Variants in MYOF observed in about 807,000 individuals in gnomAD.
MYOF encodes the protein fer-1-like 3, myoferlin.
MYOF carries 244 observed loss-of-function variants against 284.2 expected under a neutral mutation model. The ratio of observed to expected loss-of-function variants is 0.86; its 90% CI spans 0.77 to 0.95. The LOEUF (loss-of-function observed/expected upper bound fraction) is 0.95, where lower values mean the gene tolerates loss of function less well. Ranked by LOEUF, MYOF falls within the 40% of genes least tolerant of loss-of-function variation. The probability of loss-of-function intolerance (pLI) is 0.00; values close to 1 mark genes in which losing one functional copy is unlikely to be tolerated. For missense variants in MYOF, 2,496 were observed against 2,560.6 expected, an observed-to-expected ratio of 0.97 and a Z score of 0.54; for synonymous variants, 904 against 919.7, an observed-to-expected ratio of 0.98 and a Z score of 0.31.
intron 3 of MYOF, among the ~76,000 whole-genome samples, chr10:93,439,767 G>A (rs1171693872): frequency 5.3e-5 from 8 of 152,174 alleles, no homozygotes; most frequent in Admixed American, 1.3e-4. Context: ...AAAAAGAGAT[G>A]TATAAAAAGC....
At chr10:93,427,866 C>G (rs1407988161) in intron 4 of MYOF, among the ~76,000 whole-genome samples, 2 of 152,034 alleles carry the variant, frequency 1.3e-5, no homozygotes, top group African/African-American at 2.4e-5. Context: ...TTGCTGTATA[C>G]AGTACTTTTT....
In MYOF at chr10:93,323,163, G is replaced by C; in HGVS notation, c.5371C>G (p.Arg1791Gly). Residue 1791 changes from arginine (R) to glycine (G), a missense_variant, in exon 48 of 54, where the codon CGT becomes GGT. Physicochemically the swap from Arg to Gly is moderately radical, Grantham distance 125. Transcript: ENST00000359263. ...TCCTTGGTGTTCCAGATGATCACACGCAGGTAGTATCTGCAAGAAGCACAG... is the reference window on the plus strand; with the variant it reads ...TCCTTGGTGTTCCAGATGATCACACCCAGGTAGTATCTGCAAGAAGCACAG... The part of the protein sequence containing the change: ...TPRKAKKYYL[R>G]VIIWNTKDVI... The C allele has an allele frequency of 6.2e-7, 1 of 1,614,062 alleles. No homozygotes were observed. The highest frequency in any genetic ancestry group is 8.5e-7 in the Non-Finnish European group (1 of 1,179,918).
At chr10:93,307,131 T>C in intron 53 of MYOF, 130 bp from the exon 54 acceptor site, 2 of 796,344 alleles carry the variant, frequency 2.5e-6, no homozygotes, top group South Asian at 1.8e-5. Flanking sequence ...GAGTGTCCTG[T>C]GCATTGTAGG....
chr10:93,307,667 C>G (rs930778949), intron 53 of MYOF, among the ~76,000 whole-genome samples: 4 of 145,024 alleles, frequency 2.8e-5, no homozygotes, highest in Admixed American at 2.0e-4. Context: ...ACTTGTCACC[C>G]AGGGTGGAGT....
intron 2 of MYOF, among the ~76,000 whole-genome samples, chr10:93,455,363 C>T (rs760282781): frequency 7.9e-5 from 12 of 151,840 alleles, no homozygotes; most frequent in Non-Finnish European, 1.6e-4. Flanking sequence ...TTTTTTGTTT[C>T]ACTTCATTCA....
At chr10:93,391,940 A>AG (rs1265548218) in intron 17 of MYOF, among the ~76,000 whole-genome samples, 1 of 152,164 alleles carries the variant, frequency 6.6e-6, no homozygotes, top group Non-Finnish European at 1.5e-5. Flanking sequence ...ATCACTTTTC[A>AG]GGGGGAGTGG....
intron 12 of MYOF, among the ~76,000 whole-genome samples, chr10:93,401,154 G>T (rs1234507451): frequency 6.6e-6 from 1 of 152,128 alleles, no homozygotes; most frequent in Non-Finnish European, 1.5e-5. Context: ...AGAATAAAGA[G>T]AAGATATAGA....
intron 7 of MYOF, among the ~76,000 whole-genome samples, chr10:93,404,984 C>T (rs946974442): frequency 2.6e-5 from 4 of 152,140 alleles, no homozygotes; most frequent in African/African-American, 9.6e-5. Flanking sequence ...TGAACACTTA[C>T]TCCAACTGAG....
intron 53 of MYOF, among the ~76,000 whole-genome samples, chr10:93,308,857 A>T (rs1842253170): frequency 1.3e-5 from 2 of 151,938 alleles, no homozygotes; most frequent in African/African-American, 4.8e-5. Context: ...GATTACAGGC[A>T]TGTGCCACCA....
At chr10:93,369,110 C>CTCTT (rs1491460008) in intron 25 of MYOF, among the ~76,000 whole-genome samples, 1 of 78,308 alleles carries the variant, frequency 1.3e-5, no homozygotes, top group African/African-American at 6.5e-5. Context: ...ATTCAGACAG[C>CTCTT]TTTTTTTTTT....
chr10:93,334,671 G>A (rs1488703377), intron 41 of MYOF, among the ~76,000 whole-genome samples: 1 of 152,138 alleles, frequency 6.6e-6, no homozygotes, highest in African/African-American at 2.4e-5. Context: ...AAAACCAGGA[G>A]AAAGCACTGA....
intron 43 of MYOF, among the ~76,000 whole-genome samples, chr10:93,331,501 C>G (rs1843298431): frequency 6.6e-6 from 1 of 152,176 alleles, no homozygotes; most frequent in Non-Finnish European, 1.5e-5. Flanking sequence ...GACAGGGTTG[C>G]CTTTCTCCCT....
At chr10:93,352,984 G>A (rs1844593454) in intron 32 of MYOF, among the ~76,000 whole-genome samples, 1 of 152,164 alleles carries the variant, frequency 6.6e-6, no homozygotes, top group South Asian at 2.1e-4. Flanking sequence ...AAATTGATGT[G>A]AGCACATGAG....
At chr10:93,477,848 AAAAT>A (rs941464686) in intron 1 of MYOF, among the ~76,000 whole-genome samples, 9 of 152,314 alleles carry the variant, frequency 5.9e-5, no homozygotes, top group East Asian at 1.9e-4. Context: ...CTCCATCTAA[AAAAT>A]AAATAAATAA....
At chr10:93,337,199 T>G (rs1419250786) in intron 40 of MYOF, among the ~76,000 whole-genome samples, 1 of 151,742 alleles carries the variant, frequency 6.6e-6, no homozygotes, top group Non-Finnish European at 1.5e-5. Flanking sequence ...ATTCTAAAGT[T>G]TTTTTTTCTC....
chr10:93,366,714 C>G (rs1845341672), intron 25 of MYOF, among the ~76,000 whole-genome samples, 159 bp from the exon 26 acceptor site: 1 of 152,184 alleles, frequency 6.6e-6, no homozygotes, highest in South Asian at 2.1e-4. Context: ...TGAGCTATTA[C>G]TGATTATGCA....
At chr10:93,443,389 G>A (rs2056329532) in intron 3 of MYOF, among the ~76,000 whole-genome samples, 1 of 151,948 alleles carries the variant, frequency 6.6e-6, no homozygotes, top group African/African-American at 2.4e-5. Flanking sequence ...GATTCAAGGG[G>A]AATTCTCTGC....
intron 19 of MYOF, among the ~76,000 whole-genome samples, chr10:93,387,249 C>G: frequency 6.6e-6 from 1 of 152,182 alleles, no homozygotes; most frequent in East Asian, 1.9e-4. Context: ...GATTTGCAAC[C>G]CAGCAAGGAG....
chr10:93,358,953 A>C (rs1392020617), intron 29 of MYOF, among the ~76,000 whole-genome samples: 1 of 152,206 alleles, frequency 6.6e-6, no homozygotes, highest in Non-Finnish European at 1.5e-5. Context: ...AATTAAAAAA[A>C]AAAAGACTCA....
Sources: allele counts gnomAD v4.1 joint callset (sites outside exome capture counted in the v4.1 genomes callset), GRCh38; gene constraint gnomAD v4.1.1; transcripts MANE v1.5; gene names NCBI Gene and HGNC (gene_info 2026-07-23, HGNC 2026-07-21).